The following FAM81B variants were observed in gnomAD, a reference collection of about 807,000 sequenced individuals.
FAM81B encodes family with sequence similarity 81 member B.
Under a neutral mutation model 58.7 loss-of-function variants are expected in FAM81B, and 60 were observed. That is an observed-to-expected ratio of 1.02 (90% confidence interval 0.83 to 1.27). The LOEUF is 1.27. Ranked by LOEUF, FAM81B falls within the 50% of genes most tolerant of loss-of-function variation. The pLI is 0.00. For missense variants in FAM81B, 491 were observed against 522.0 expected (o/e 0.94, Z 0.58); for synonymous variants, 189 against 179.6 (o/e 1.05, Z -0.42).
intron 9 of FAM81B, 21 bp from the exon 10 acceptor site, chr5:95,450,128 T>C: frequency 6.3e-7 from 1 of 1,595,498 alleles, no homozygotes; most frequent in African/African-American, 1.4e-5. Flanking sequence ...TAAGTGTACC[T>C]ATTCTTTTAC....
chr5:95,430,579 G>A (rs888084592), intron 6 of FAM81B, among the ~76,000 whole-genome samples: 2 of 151,710 alleles, frequency 1.3e-5, no homozygotes, highest in Non-Finnish European at 2.9e-5. Context: ...TGGACATTTG[G>A]GTTCTTTTAA....
At chr5:95,410,840 C>T (rs1762386659) in intron 3 of FAM81B, 1 of 152,142 alleles carries the variant, frequency 6.6e-6, no homozygotes, top group Non-Finnish European at 1.5e-5. Flanking sequence ...GGCTAAGTTA[C>T]AGGTGACCTA....
At chr5:95,424,448 T>TAAAAA (rs201540055) in intron 5 of FAM81B, among the ~76,000 whole-genome samples, 1 of 134,514 alleles carries the variant, frequency 7.4e-6, no homozygotes, top group East Asian at 2.1e-4. Context: ...ACAAAGAATT[T>TAAAAA]AAAAAAAAAA....
chr5:95,405,284 G>T (rs1762215445), intron 3 of FAM81B, among the ~76,000 whole-genome samples: 1 of 152,190 alleles, frequency 6.6e-6, no homozygotes, highest in African/African-American at 2.4e-5. Flanking sequence ...TTTGGAATCT[G>T]TGAGTTTCAA....
At chr5:95,407,528 C>T (rs1762288360) in intron 3 of FAM81B, among the ~76,000 whole-genome samples, 2 of 152,226 alleles carry the variant, frequency 1.3e-5, no homozygotes, top group Admixed American at 1.3e-4. Context: ...ATCCAAATCT[C>T]TGTCTTCAGA....
chr5:95,438,466 T>C (rs537132099), intron 7 of FAM81B, among the ~76,000 whole-genome samples: 2 of 152,128 alleles, frequency 1.3e-5, no homozygotes, highest in African/African-American at 4.8e-5. Context: ...AGGAAATGTT[T>C]GAGATCCAGG....
intron 7 of FAM81B, among the ~76,000 whole-genome samples, chr5:95,438,139 A>G (rs993641714): frequency 2.0e-5 from 3 of 152,208 alleles, no homozygotes; most frequent in Admixed American, 6.5e-5. Flanking sequence ...AGTTGATGTA[A>G]AACAATTGTC....
chr5:95,414,353 T>C (rs1050907630), intron 4 of FAM81B, among the ~76,000 whole-genome samples, 163 bp downstream of exon 4: 1 of 152,196 alleles, frequency 6.6e-6, no homozygotes, highest in Admixed American at 6.5e-5. Context: ...AACAGTTCAA[T>C]TTTTCAGCTG....
chr5:95,427,038 G>A (rs889408773), intron 5 of FAM81B, among the ~76,000 whole-genome samples: 3 of 150,372 alleles, frequency 2.0e-5, no homozygotes, highest in African/African-American at 5.0e-5. Context: ...GATAGAGCAA[G>A]ACTCCGTCTC....
intron 3 of FAM81B, among the ~76,000 whole-genome samples, chr5:95,409,578 A>G (rs890047062): frequency 6.6e-6 from 1 of 152,070 alleles, no homozygotes; most frequent in Non-Finnish European, 1.5e-5. Context: ...CAGAGCTACT[A>G]AATTAAAAAG....
chr5:95,431,765 T>C (rs2152767675), intron 6 of FAM81B, among the ~76,000 whole-genome samples: 1 of 152,176 alleles, frequency 6.6e-6, no homozygotes, highest in South Asian at 2.1e-4. Context: ...TCTAATTCAT[T>C]GTTAGTTGTA....
At chr5:95,442,228 A>T (rs1242496801) in intron 7 of FAM81B, among the ~76,000 whole-genome samples, 1 of 152,236 alleles carries the variant, frequency 6.6e-6, no homozygotes, top group African/African-American at 2.4e-5. Context: ...ATCCAAACAT[A>T]ATCCTTGCTA....
intron 5 of FAM81B, among the ~76,000 whole-genome samples, chr5:95,425,514 G>T (rs1018250122): frequency 6.6e-6 from 1 of 152,168 alleles, no homozygotes; most frequent in African/African-American, 2.4e-5. Context: ...AGAGAAGTCA[G>T]GTATTCTCAA....
intron 7 of FAM81B, chr5:95,440,217 C>T (rs890843049): frequency 1.5e-6 from 1 of 657,626 alleles, no homozygotes; most frequent in African/African-American, 1.8e-5. Context: ...TGACTGGCTT[C>T]TCGGTCTAGC....
At chr5:95,420,687 C>T (rs1762656917) in intron 5 of FAM81B, among the ~76,000 whole-genome samples, 1 of 151,510 alleles carries the variant, frequency 6.6e-6, no homozygotes, top group Non-Finnish European at 1.5e-5. Context: ...CATACATAGA[C>T]GCACCTTCAT....
At chr5:95,432,709 G>C (rs530841959) in intron 6 of FAM81B, among the ~76,000 whole-genome samples, 25 of 151,716 alleles carry the variant, frequency 1.6e-4, no homozygotes, top group Middle Eastern at 3.4e-3. Flanking sequence ...CTTTTAGGGT[G>C]GTTTTAATTC....
At chr5:95,426,633 A>G (rs950107062) in intron 5 of FAM81B, among the ~76,000 whole-genome samples, 19 of 152,200 alleles carry the variant, frequency 1.2e-4, no homozygotes, top group Non-Finnish European at 2.9e-5. Flanking sequence ...CGCATTGTCA[A>G]TCACGTGTTT....
At position 95,421,660 on chromosome 5, in the gene FAM81B, C is replaced by T. The variant is rs78296922; in HGVS notation, c.656+1258C>T. Among the ~76,000 whole-genome samples the T allele has an allele frequency of 5.0e-3, 648 of 129,576 alleles. 3 individuals carry two copies. Among genetic ancestry groups the T allele is most frequent in the South Asian group, 0.017 (58 of 3,368 alleles). The allele number at this position is 129,576 out of a possible 152,430, so 85.0% of individuals were successfully genotyped here. A position where few individuals can be genotyped will look rare whatever the true frequency, so the allele number is the denominator to read the frequency against. ...ATCATATTTTGTGACATTCTAGTTG[C>T]AGTGAATTGGTAGAATACAAAAAAA... On this transcript the variant is annotated intron_variant, in intron 5 of 9. Coordinates refer to ENST00000283357, the MANE Select transcript of FAM81B (RefSeq NM_152548.3).
chr5:95,403,410 A>C (rs1762164790), intron 3 of FAM81B, among the ~76,000 whole-genome samples: 2 of 152,364 alleles, frequency 1.3e-5, no homozygotes, highest in South Asian at 4.1e-4. Context: ...TATGAACTAG[A>C]GTAAATATTT....
Sources: allele counts gnomAD v4.1 joint callset (sites outside exome capture counted in the v4.1 genomes callset), GRCh38; gene constraint gnomAD v4.1.1; transcripts MANE v1.5; gene names NCBI Gene and HGNC (gene_info 2026-07-23, HGNC 2026-07-21).